KCTD16: variants seen among roughly 807,000 people sequenced by gnomAD.
KCTD16 encodes the protein potassium channel tetramerization domain containing 16, also known as BTB/POZ domain-containing protein KCTD16.
Under a neutral mutation model 33.2 loss-of-function variants are expected in KCTD16, and 13 were observed. The ratio of observed to expected loss-of-function variants is 0.39; its 90% confidence interval spans 0.25 to 0.62. The LOEUF (loss-of-function observed/expected upper bound fraction) is 0.62. Ranked by LOEUF, KCTD16 falls within the 20% of genes least tolerant of loss-of-function variation. KCTD16 has a pLI of 0.50. For synonymous variants in KCTD16, 197 were observed against 195.3 expected, an observed-to-expected ratio of 1.01 and a Z score of -0.07; for missense variants, 441 against 525.1, an observed-to-expected ratio of 0.84 and a Z score of 1.57.
chr5:144,175,735 G>C (rs1274269804), intron 2 of KCTD16, among the ~76,000 whole-genome samples: 8 of 152,134 alleles, frequency 5.3e-5, no homozygotes, highest in African/African-American at 1.7e-4. Flanking sequence ...GTAAAAGCAA[G>C]ATAGGAGTAT....
Position 144,481,643 on chromosome 5 carries a change from A to G in KCTD16, c.*7529A>G, listed in dbSNP as rs1754705454. On this transcript the variant is annotated 3_prime_UTR_variant, in exon 4 of 4. Transcript: ENST00000512467. Reference sequence around the variant, plus strand: ...TATACAAGGGAAACTAAGGACCCAGAAAGTTTAAATCGGTCATTTATTTGT... The same window carrying G: ...TATACAAGGGAAACTAAGGACCCAGGAAGTTTAAATCGGTCATTTATTTGT... 1 of 151,960 alleles carries G rather than the reference A, an allele frequency of 6.6e-6. No homozygotes were observed. Among genetic ancestry groups the G allele is most frequent in the South Asian group, 2.1e-4 (1 of 4,832 alleles). 9.4% of individuals were successfully genotyped at this position (151,960 alleles called of 1,614,324 possible).
chr5:144,263,599 T>G (rs1404083838), intron 3 of KCTD16, among the ~76,000 whole-genome samples: 1 of 152,200 alleles, frequency 6.6e-6, no homozygotes, highest in East Asian at 1.9e-4. Context: ...TTTAATGAGT[T>G]TTTAAAAATA....
chr5:144,415,766 C>G (rs1328769116), intron 3 of KCTD16, among the ~76,000 whole-genome samples: 1 of 152,162 alleles, frequency 6.6e-6, no homozygotes, highest in Non-Finnish European at 1.5e-5. Flanking sequence ...ATATAAAACT[C>G]TTGTACTACT....
intron 3 of KCTD16, among the ~76,000 whole-genome samples, chr5:144,290,901 A>G (rs941795274): frequency 3.3e-5 from 5 of 152,352 alleles, no homozygotes; most frequent in Non-Finnish European, 5.9e-5. Flanking sequence ...ACAGAATTAT[A>G]AGGATTTTAA....
At chr5:144,251,118 A>G (rs1754689057) in intron 3 of KCTD16, among the ~76,000 whole-genome samples, 1 of 152,144 alleles carries the variant, frequency 6.6e-6, no homozygotes, top group Admixed American at 6.6e-5. Context: ...CTGTGTAGAG[A>G]AGTCCTGAAA....
chr5:144,298,846 C>G (rs777397926), intron 3 of KCTD16, among the ~76,000 whole-genome samples: 12 of 151,368 alleles, frequency 7.9e-5, no homozygotes, highest in Non-Finnish European at 1.6e-4. Flanking sequence ...CCAACTCCAG[C>G]TTATTCTAAG....
intron 3 of KCTD16, among the ~76,000 whole-genome samples, chr5:144,357,505 A>T (rs926535210): frequency 2.0e-5 from 3 of 152,224 alleles, no homozygotes; most frequent in African/African-American, 7.2e-5. Context: ...CACTCTAGCC[A>T]TCAAAGATAT....
intron 3 of KCTD16, among the ~76,000 whole-genome samples, chr5:144,290,008 T>G (rs573086726): frequency 1.3e-5 from 2 of 152,296 alleles, no homozygotes; most frequent in East Asian, 3.9e-4. Flanking sequence ...AGGCCAGGTG[T>G]GGTGACTCAT....
chr5:144,202,570 C>A (rs1753067655), intron 2 of KCTD16, among the ~76,000 whole-genome samples: 1 of 152,196 alleles, frequency 6.6e-6, no homozygotes, highest in Non-Finnish European at 1.5e-5. Context: ...AACCCCTGAT[C>A]TCTCAGAAGG....
In KCTD16 at chr5:144,478,026, A is replaced by C. The variant is rs990492319; in HGVS notation, c.*3912A>C. Reference sequence around the variant, plus strand: ...CAGATAAATGTTTTTGCCAATTTGCATGCTGGTTTATAGGTTTAGCATGGG... The same window carrying C: ...CAGATAAATGTTTTTGCCAATTTGCCTGCTGGTTTATAGGTTTAGCATGGG... On this transcript the variant is annotated 3_prime_UTR_variant, in exon 4 of 4. Coordinates refer to ENST00000512467, the MANE Select transcript of KCTD16 (RefSeq NM_020768.4). The C allele has an allele frequency of 2.6e-5, 4 of 152,076 alleles. No individual in the cohort carries two copies. Among genetic ancestry groups the C allele is most frequent in the Admixed American group, 2.0e-4 (3 of 15,256 alleles). 9.4% of individuals were successfully genotyped at this position (152,076 alleles called of 1,614,324 possible).
At chr5:144,335,492 A>G (rs79387627) in intron 3 of KCTD16, among the ~76,000 whole-genome samples, 7,932 of 152,258 alleles carry the variant, frequency 0.052, 670 homozygotes, top group African/African-American at 0.18. Flanking sequence ...AGGGGTAGAA[A>G]AATGAGTAAA....
intron 3 of KCTD16, among the ~76,000 whole-genome samples, chr5:144,336,037 A>G (rs115911325): frequency 2.2e-4 from 33 of 152,302 alleles, no homozygotes; most frequent in Middle Eastern, 3.4e-3. Flanking sequence ...GAGATGCCCC[A>G]TGTCCAGTGC....
chr5:144,203,746 T>A (rs1162149244), intron 2 of KCTD16, among the ~76,000 whole-genome samples: 1 of 152,176 alleles, frequency 6.6e-6, no homozygotes, highest in Non-Finnish European at 1.5e-5. Context: ...ACTTAATAGG[T>A]CTGAATTCAG....
chr5:144,409,524 T>C (rs1228501804), intron 3 of KCTD16, among the ~76,000 whole-genome samples: 1 of 151,936 alleles, frequency 6.6e-6, no homozygotes, highest in Non-Finnish European at 1.5e-5. Context: ...ATCTCTGCCC[T>C]CAAGGCTCTT....
At chr5:144,307,787 C>T (rs1006954651) in intron 3 of KCTD16, among the ~76,000 whole-genome samples, 1 of 152,238 alleles carries the variant, frequency 6.6e-6, no homozygotes, top group African/African-American at 2.4e-5. Flanking sequence ...GTTGCTGCTG[C>T]TGCCGCTGCT....
intron 2 of KCTD16, among the ~76,000 whole-genome samples, chr5:144,186,351 TTAA>T (rs368081646): frequency 0.19 from 22,639 of 121,756 alleles, 1,899 homozygotes; most frequent in Admixed American, 0.29. Flanking sequence ...CTCATTTTTT[TTAA>T]AAAAAAAAAG....
At chr5:144,340,913 G>A (rs768932773) in intron 3 of KCTD16, among the ~76,000 whole-genome samples, 29 of 152,036 alleles carry the variant, frequency 1.9e-4, no homozygotes, top group Non-Finnish European at 2.6e-4. Context: ...AGCCAGGCAC[G>A]GTGGTGGGCG....
chr5:144,359,249 T>A (rs1018137049), intron 3 of KCTD16, among the ~76,000 whole-genome samples: 1 of 152,230 alleles, frequency 6.6e-6, no homozygotes, highest in African/African-American at 2.4e-5. Flanking sequence ...TTACAAGTTC[T>A]GTTCATTATA....
Position 144,477,219 on chromosome 5 carries a change from C to A in KCTD16, c.*3105C>A, listed in dbSNP as rs1754613783. 1 of 152,010 alleles carries A rather than the reference C, an allele frequency of 6.6e-6. No individual in the cohort carries two copies. The highest frequency in any genetic ancestry group is 6.6e-5 in the Admixed American group (1 of 15,252). 9.4% of individuals were successfully genotyped at this position (152,010 alleles called of 1,614,324 possible). ...ATCATATGGTATTGTGATTTTCTTT[C>A]CCCTGCTAGGAAAAAATTGCACTGA... On this transcript the variant is annotated 3_prime_UTR_variant, in exon 4 of 4. Coordinates refer to ENST00000512467, the MANE Select transcript of KCTD16 (RefSeq NM_020768.4).
Sources: allele counts gnomAD v4.1 joint callset (sites outside exome capture counted in the v4.1 genomes callset), GRCh38; gene constraint gnomAD v4.1.1; transcripts MANE v1.5; gene names NCBI Gene and HGNC (gene_info 2026-07-23, HGNC 2026-07-21).